SCAPER: variants seen among roughly 807,000 people sequenced by gnomAD.
SCAPER encodes the protein S-phase cyclin A associated protein in the ER.
SCAPER carries 98 observed loss-of-function variants against 182.2 expected under a neutral mutation model. The ratio of observed to expected loss-of-function variants is 0.54; its 90% CI spans 0.46 to 0.64. The LOEUF (loss-of-function observed/expected upper bound fraction) is 0.64, where lower values mean the gene tolerates loss of function less well. SCAPER is among the 30% of genes least tolerant of loss of function. SCAPER has a pLI of 0.00. For missense variants in SCAPER, 1,432 were observed against 1,690.0 expected (o/e 0.85, Z 2.68); for synonymous variants, 605 against 564.6 (o/e 1.07, Z -1.01).
At chr15:76,828,004 G>A (rs1020951292) in intron 5 of SCAPER, among the ~76,000 whole-genome samples, 1 of 152,024 alleles carries the variant, frequency 6.6e-6, no homozygotes, top group African/African-American at 2.4e-5. Flanking sequence ...TGGGTTAATG[G>A]ATTCATGAAT....
chr15:76,533,794 G>A (rs1178102501), intron 23 of SCAPER, among the ~76,000 whole-genome samples: 1 of 152,000 alleles, frequency 6.6e-6, no homozygotes, highest in Non-Finnish European at 1.5e-5. Flanking sequence ...CTCCTCCTCT[G>A]TCTATCTATC....
In SCAPER at chr15:76,771,944, C is replaced by T. The variant is rs2063492023; in HGVS notation, c.1046G>A (p.Ser349Asn). ...PLAEKTQFTV[S>N]TLDDVKNSGS... Reference sequence around the variant, plus strand: ...AGAATTCTTCACATCATCCAATGTACTCACTGTGAACTAACAAAACGTAGA... The same window carrying T: ...AGAATTCTTCACATCATCCAATGTATTCACTGTGAACTAACAAAACGTAGA... Residue 349 changes from serine to asparagine, a missense_variant, in exon 10 of 32, where the codon AGT (serine) becomes AAT (asparagine). Ser to Asn is a conservative substitution (Grantham distance 46). Coordinates refer to ENST00000563290, the MANE Select transcript of SCAPER (RefSeq NM_020843.4). 1.2e-6 allele frequency: 2 copies of T among 1,608,900 alleles called. No individual in the cohort carries two copies. The highest frequency in any genetic ancestry group is 1.7e-6 in the Non-Finnish European group (2 of 1,178,056).
At chr15:76,729,388 T>C (rs1026533468) in intron 16 of SCAPER, among the ~76,000 whole-genome samples, 4 of 151,988 alleles carry the variant, frequency 2.6e-5, no homozygotes, top group Non-Finnish European at 5.9e-5. Context: ...CAGAACTTAA[T>C]ATATGTTTTC....
chr15:76,435,752 T>C (rs1354850497), intron 25 of SCAPER, among the ~76,000 whole-genome samples: 1 of 152,226 alleles, frequency 6.6e-6, no homozygotes, highest in Admixed American at 6.5e-5. Flanking sequence ...TGGCTGGATA[T>C]AGGATTCTTG....
chr15:76,750,703 A>G (rs2062037233), intron 15 of SCAPER, among the ~76,000 whole-genome samples: 1 of 151,918 alleles, frequency 6.6e-6, no homozygotes, highest in African/African-American at 2.4e-5. Context: ...TTGACAATTC[A>G]ACATCTTTCA....
chr15:76,569,837 A>T (rs1223672425), intron 23 of SCAPER, among the ~76,000 whole-genome samples: 1 of 151,940 alleles, frequency 6.6e-6, no homozygotes, highest in African/African-American at 2.4e-5. Context: ...TTATTACTAA[A>T]ATGTTCAGTT....
At chr15:76,395,856 C>T (rs1463805869) in intron 27 of SCAPER, among the ~76,000 whole-genome samples, 2 of 152,036 alleles carry the variant, frequency 1.3e-5, no homozygotes, top group Non-Finnish European at 2.9e-5. Flanking sequence ...TGATGTGATC[C>T]CATTTATCCA....
intron 29 of SCAPER, among the ~76,000 whole-genome samples, chr15:76,367,006 AC>A (rs1477105719): frequency 6.6e-6 from 1 of 152,230 alleles, no homozygotes; most frequent in East Asian, 1.9e-4. Flanking sequence ...CTGTAGGCAG[AC>A]GCTTCTCACA....
At chr15:76,798,380 GA>G (rs1568171021) in intron 7 of SCAPER, among the ~76,000 whole-genome samples, 1 of 143,598 alleles carries the variant, frequency 7.0e-6, no homozygotes, top group Non-Finnish European at 1.5e-5. Context: ...AAAAAGAAAA[GA>G]AAAAGAAAAA....
intron 20 of SCAPER, among the ~76,000 whole-genome samples, chr15:76,687,533 C>T (rs1312790444): frequency 6.6e-6 from 1 of 152,152 alleles, no homozygotes; most frequent in Non-Finnish European, 1.5e-5. Context: ...TGGTGGCTTG[C>T]TGCCCCCATC....
chr15:76,722,505 C>G (rs567125521), intron 17 of SCAPER, among the ~76,000 whole-genome samples: 8 of 152,162 alleles, frequency 5.3e-5, no homozygotes, highest in Admixed American at 2.6e-4. Context: ...AGGAATGGTA[C>G]CAGCTCCTCC....
chr15:76,783,441 T>G (rs1422900140), intron 8 of SCAPER, among the ~76,000 whole-genome samples: 1 of 152,174 alleles, frequency 6.6e-6, no homozygotes, highest in African/African-American at 2.4e-5. Flanking sequence ...CACAGCCAAC[T>G]TCTACCAGAG....
chr15:76,833,472 C>T (rs1270740126), intron 5 of SCAPER, among the ~76,000 whole-genome samples: 1 of 152,112 alleles, frequency 6.6e-6, no homozygotes, highest in Non-Finnish European at 1.5e-5. Context: ...TAAGAATCAA[C>T]CAGCTAACAA....
At chr15:76,602,414 T>C (rs2049993275) in intron 22 of SCAPER, among the ~76,000 whole-genome samples, 1 of 121,790 alleles carries the variant, frequency 8.2e-6, no homozygotes, top group South Asian at 2.5e-4. Flanking sequence ...AGTTTTTTTC[T>C]AATCTTTGCT....
chr15:76,389,629 C>T (rs182080035), intron 27 of SCAPER, among the ~76,000 whole-genome samples: 21 of 149,684 alleles, frequency 1.4e-4, no homozygotes, highest in Admixed American at 2.7e-4. Context: ...CTGGCTAACA[C>T]GGTGAAACCC....
rs150725287 is a variant in SCAPER, at chr15:76,784,170, A to C, written c.773-9053T>G. ...TGCCCAAAATCTCCTTAACCTGATA[A>C]GCAACTTCAGCAAAGCCTCAGGATA... On this transcript the variant is annotated intron_variant, in intron 8 of 31. Transcript: ENST00000563290. Among the ~76,000 whole-genome samples the C allele has an allele frequency of 5.1e-4, 78 of 152,338 alleles. 1 individual carries two copies. The highest frequency in any genetic ancestry group is 1.8e-3 in the African/African-American group (73 of 41,574).
intron 26 of SCAPER, among the ~76,000 whole-genome samples, chr15:76,422,697 C>T (rs947592461): frequency 1.3e-5 from 2 of 152,074 alleles, no homozygotes; most frequent in African/African-American, 4.8e-5. Flanking sequence ...TGTCTTGTGC[C>T]CGTTTTCAAA....
At chr15:76,793,195 T>C in intron 8 of SCAPER, 1 of 1,136,062 alleles carries the variant, frequency 8.8e-7, no homozygotes, top group South Asian at 1.4e-5. Flanking sequence ...ACTTCAGTTC[T>C]ATAGCTACTG....
At chr15:76,772,079 G>T (rs1446461761) in intron 9 of SCAPER, 125 bp from the exon 10 acceptor site, 2 of 679,770 alleles carry the variant, frequency 2.9e-6, no homozygotes, top group Non-Finnish European at 4.9e-6. Context: ...CTGGATGACA[G>T]AAAATTTACT....
Sources: gnomAD v4.1 joint callset for allele counts (sites outside exome capture counted in the v4.1 genomes callset) on GRCh38, gnomAD v4.1.1 for gene constraint, MANE v1.5 for transcripts, NCBI Gene and HGNC (gene_info 2026-07-23, HGNC 2026-07-21) for gene names.